MUC7: variants seen among roughly 807,000 people sequenced by gnomAD.
MUC7 encodes mucin 7, secreted.
A neutral mutation model predicts 2.5 loss-of-function variants in MUC7; 2 were observed. That is an observed-to-expected ratio of 0.81 (90% CI 0.33 to 2.55). The LOEUF (loss-of-function observed/expected upper bound fraction) is 2.55. Among genes scored for constraint, MUC7 ranks in the 30% most tolerant of loss-of-function variants. The pLI is 0.11. For synonymous variants in MUC7, 133 were observed against 173.4 expected (o/e 0.77, Z 1.83); for missense variants, 408 against 455.6 (o/e 0.90, Z 0.95).
chr4:70,446,571 C>A (rs1734144330), intron 1 of MUC7, among the ~76,000 whole-genome samples: 1 of 152,140 alleles, frequency 6.6e-6, no homozygotes, highest in Non-Finnish European at 1.5e-5. Flanking sequence ...GGATTAGGAG[C>A]CCATCCTACT....
At chr4:70,461,022 G>A (rs1734544168) in intron 1 of MUC7, among the ~76,000 whole-genome samples, 1 of 152,160 alleles carries the variant, frequency 6.6e-6, no homozygotes, top group Admixed American at 6.5e-5. Flanking sequence ...TCCGTGCAGT[G>A]AGGATGTGGA....
rs41380146 is a variant in MUC7, at chr4:70,481,629, G to A, written c.885G>A (p.Pro295=). Reference sequence around the variant, plus strand: ...CTTCTGCAACTACACCAGCTCCACCGTCTTCCCCAGCTCCACAAGAGACCA... The same window carrying A: ...CTTCTGCAACTACACCAGCTCCACCATCTTCCCCAGCTCCACAAGAGACCA... ...PTPSATTPAP[P]SSPAPQETTA... The change falls in exon 3 of 3, where the codon CCG becomes CCA. Residue 295 remains proline (P), a synonymous_variant. Coordinates refer to ENST00000304887, the MANE Select transcript of MUC7 (RefSeq NM_152291.3). 1,093 of 1,601,312 alleles carry A rather than the reference G, an allele frequency of 6.8e-4. 7 individuals carry two copies. In the African/African-American group the frequency reaches 0.014, roughly 21 times the overall value.
At chr4:70,431,763 T>C (rs1451781264) in intron 1 of MUC7, among the ~76,000 whole-genome samples, 5 of 152,164 alleles carry the variant, frequency 3.3e-5, no homozygotes, top group Admixed American at 1.3e-4. Context: ...TTTTTATTAT[T>C]ATACTTTAAG....
intron 1 of MUC7, among the ~76,000 whole-genome samples, chr4:70,463,659 G>A (rs1734611905): frequency 6.6e-6 from 1 of 152,186 alleles, no homozygotes; most frequent in African/African-American, 2.4e-5. Context: ...TAGTCCACAT[G>A]TCAGTCATTT....
intron 1 of MUC7, among the ~76,000 whole-genome samples, chr4:70,460,552 G>A (rs368087166): frequency 7.9e-5 from 12 of 151,478 alleles, no homozygotes; most frequent in East Asian, 7.8e-4. Flanking sequence ...CACTTTTACC[G>A]GTGGGGTCAC....
In MUC7 at chr4:70,480,832, C is replaced by A. The variant is rs780124896; in HGVS notation, c.88C>A (p.Arg30Ser). The change falls in exon 3 of 3, where the codon CGT (arginine) becomes AGT (serine). Residue 30 changes from arginine (R) to serine (S), a missense_variant. Physicochemically the swap from Arg to Ser is moderately radical, Grantham distance 110. Around this residue, in one of 3 missense-constraint regions of MUC7, gnomAD observed 225 missense variants for 240.5 expected, o/e 0.94. Transcript: ENST00000304887. ...SEGRERDHEL[R>S]HRRHHHQSPK... is the part of the protein sequence containing the mutation. ...AGGTCGAGAAAGGGATCATGAACTA[C>A]GTCACAGAAGGCATCATCACCAATC... 13 of 1,613,904 alleles carry A rather than the reference C, an allele frequency of 8.1e-6. No individual in the cohort carries two copies. Among genetic ancestry groups the A allele is most frequent in the Non-Finnish European group, 1.1e-5 (13 of 1,179,836 alleles).
intron 1 of MUC7, among the ~76,000 whole-genome samples, chr4:70,436,752 TG>T (rs1252544817): frequency 1.3e-5 from 2 of 152,226 alleles, no homozygotes; most frequent in Non-Finnish European, 2.9e-5. Context: ...GGCAAGGAGC[TG>T]TGTTCCTTTG....
At chr4:70,468,155 C>T (rs1734728566), upstream of MUC7, among the ~76,000 whole-genome samples, 1 of 152,146 alleles carries the variant, frequency 6.6e-6, no homozygotes, top group South Asian at 2.1e-4. Context: ...ATGACAAAAA[C>T]CACATGATTA....
chr4:70,479,818 G>A (rs906103171), intron 2 of MUC7, among the ~76,000 whole-genome samples: 9 of 152,138 alleles, frequency 5.9e-5, no homozygotes, highest in African/African-American at 2.2e-4. Context: ...CTGTAAATCT[G>A]CCAAAACAAA....
In MUC7 at chr4:70,482,572, A is replaced by C. The variant is rs1735231765; in HGVS notation, c.*694A>C. Reference sequence around the variant, plus strand: ...TATAATTGTTTAAACTGCAAGGTTGACATTTATTGTGTTGTGTCTAAGTTA... The same window carrying C: ...TATAATTGTTTAAACTGCAAGGTTGCCATTTATTGTGTTGTGTCTAAGTTA... On this transcript the variant is annotated 3_prime_UTR_variant, in exon 3 of 3. Transcript: ENST00000304887. The C allele has an allele frequency of 6.6e-6, 1 of 152,258 alleles. No homozygotes were observed. Among genetic ancestry groups the C allele is most frequent in the Non-Finnish European group, 1.5e-5 (1 of 68,052 alleles). The allele number at this position is 152,258 out of a possible 1,614,324, so 9.4% of individuals were successfully genotyped here.
At chr4:70,457,072 T>G (rs539139697) in intron 1 of MUC7, among the ~76,000 whole-genome samples, 8 of 152,304 alleles carry the variant, frequency 5.3e-5, no homozygotes, top group Admixed American at 2.6e-4. Context: ...CCCTGGGAAG[T>G]GGTAATTAAG....
Position 70,482,152 on chromosome 4 carries a change from T to A in MUC7, c.*274T>A, listed in dbSNP as rs41460451. The A allele has an allele frequency of 0.021, 6,759 of 328,098 alleles. 299 individuals are homozygous for A. Among genetic ancestry groups the A allele is most frequent in the African/African-American group, 0.14 (5,108 of 35,734 alleles). 20.3% of individuals were successfully genotyped at this position (328,098 alleles called of 1,614,324 possible). ...ACTGAGGGCAAAGAAAGTCCTTAGA[T>A]AAAGAGAGAATATTGTATGGGCCAT... On this transcript the variant is annotated 3_prime_UTR_variant, in exon 3 of 3. Coordinates refer to ENST00000304887, the MANE Select transcript of MUC7 (RefSeq NM_152291.3).
intron 1 of MUC7, among the ~76,000 whole-genome samples, chr4:70,434,645 A>T (rs1489489267): frequency 6.6e-6 from 1 of 151,958 alleles, no homozygotes; most frequent in Non-Finnish European, 1.5e-5. Flanking sequence ...TATTTTGCTG[A>T]TCTTTTCAAA....
intron 2 of MUC7, among the ~76,000 whole-genome samples, chr4:70,479,723 G>A (rs546884275): frequency 3.0e-4 from 46 of 152,250 alleles, no homozygotes; most frequent in African/African-American, 1.1e-3. Flanking sequence ...GTCAGCAATG[G>A]CTAAAGGAAA....
intron 1 of MUC7, among the ~76,000 whole-genome samples, chr4:70,443,744 G>C (rs1322877710): frequency 2.6e-5 from 4 of 152,034 alleles, no homozygotes; most frequent in Non-Finnish European, 4.4e-5. Flanking sequence ...AAAACTTATA[G>C]ATGAAAATAA....
At position 70,439,141 on chromosome 4, in the gene MUC7, G is replaced by A. The variant is rs145755136; in HGVS notation, c.-93+8454G>A. ...TTAAAAAGGCTAGTTTAGATTGGGT[G>A]TTTCAAAAAGCCTTTTTAAAGAGAT... On this transcript the variant is annotated intron_variant, in intron 1 of 3. Coordinates refer to the MUC7 transcript ENST00000413702. Among the ~76,000 whole-genome samples the A allele has an allele frequency of 2.3e-3, 353 of 152,272 alleles. 1 individual carries two copies. Among genetic ancestry groups the A allele is most frequent in the African/African-American group, 8.0e-3 (332 of 41,546 alleles).
At chr4:70,431,206 C>T (rs1013032878) in intron 1 of MUC7, among the ~76,000 whole-genome samples, 6 of 152,068 alleles carry the variant, frequency 3.9e-5, no homozygotes, top group Admixed American at 3.3e-4. Flanking sequence ...AAACCAAGAA[C>T]ATATGAGAAA....
At chr4:70,453,510 C>A (rs1001745833) in intron 1 of MUC7, among the ~76,000 whole-genome samples, 1 of 152,202 alleles carries the variant, frequency 6.6e-6, no homozygotes, top group Non-Finnish European at 1.5e-5. Flanking sequence ...TGGGACTCAC[C>A]CTTCAGGGCA....
rs1448547145 is a variant in MUC7 at position 70,460,714 on chromosome 4, G to A, written c.-92-11501G>A. 2.0e-5 allele frequency among the ~76,000 whole-genome samples: 3 copies of A among 152,250 alleles called. No homozygotes were observed. The East Asian group carries it at 5.8e-4, about 29-fold the overall frequency. Reference sequence around the variant, plus strand: ...GATAGAGTACTGAGGACCCTGCAGTGCCTTTTGGTCCAGCCAGCACTGTGC... The same window carrying A: ...GATAGAGTACTGAGGACCCTGCAGTACCTTTTGGTCCAGCCAGCACTGTGC... On this transcript the variant is annotated intron_variant, in intron 1 of 3. Coordinates refer to the MUC7 transcript ENST00000413702.
Sources: allele counts gnomAD v4.1 joint callset (sites outside exome capture counted in the v4.1 genomes callset), GRCh38; gene constraint gnomAD v4.1.1; regional missense constraint gnomAD v4.1.1; transcripts MANE v1.5; gene names NCBI Gene and HGNC (gene_info 2026-07-23, HGNC 2026-07-21).